The following MAPK10 variants were observed in gnomAD, a reference collection of about 807,000 sequenced individuals.
MAPK10 encodes the protein JNK3 alpha protein kinase.
In MAPK10, 25 loss-of-function variants were observed where a neutral mutation model predicts 59.3. The observed-to-expected ratio is 0.42, with a 90% CI of 0.31 to 0.59. MAPK10 has a LOEUF of 0.59. Ranked by LOEUF, MAPK10 falls within the 20% of genes least tolerant of loss-of-function variation. The pLI, the probability that MAPK10 is intolerant of heterozygous loss-of-function variation, is 0.15. For synonymous variants in MAPK10, 190 were observed against 200.5 expected (o/e 0.95, Z 0.44); for missense variants, 351 against 568.9 (o/e 0.62, Z 3.90).
intron 1 of MAPK10, among the ~76,000 whole-genome samples, chr4:86,528,440 G>A (rs185471653): frequency 2.6e-5 from 4 of 152,024 alleles, no homozygotes; most frequent in South Asian, 2.1e-4. Context: ...TTTGAATTCC[G>A]TGATATGGCA....
At position 86,014,303 on chromosome 4, in the gene MAPK10, GGTGTGTGTGTGTGTGTGT is replaced by G. The variant is rs58674852; in HGVS notation, c.*2907_*2924del. On this transcript the variant is annotated 3_prime_UTR_variant, in exon 14 of 14. Transcript: ENST00000641462. ...AGGTGACTATTTAAGAAATATTTGG[GGTGTGTGTGTGTGTGTGT>G]GTGTGTGTGTGTGTGTGTGTGTGTT... The G allele has an allele frequency of 0.097, 14,014 of 143,976 alleles. 770 individuals are homozygous for G. Among genetic ancestry groups the G allele is most frequent in the Non-Finnish European group, 0.12 (7,798 of 65,922 alleles). The allele number at this position is 143,976 out of a possible 1,614,324, so 8.9% of individuals were successfully genotyped here. A position where few individuals can be genotyped will look rare whatever the true frequency, so the allele number is the denominator to read the frequency against.
At chr4:86,556,524 T>A (rs191457339) in intron 1 of MAPK10, among the ~76,000 whole-genome samples, 11 of 152,250 alleles carry the variant, frequency 7.2e-5, no homozygotes, top group Admixed American at 5.2e-4. Flanking sequence ...TGTTTTTAGA[T>A]CATATTGAGG....
intron 1 of MAPK10, among the ~76,000 whole-genome samples, chr4:86,581,330 CA>C (rs1330483189): frequency 6.6e-6 from 1 of 151,204 alleles, no homozygotes; most frequent in Non-Finnish European, 1.5e-5. Context: ...ATAATTTCAA[CA>C]CATATAAAAT....
At chr4:86,499,405 C>T (rs892382319) in intron 1 of MAPK10, among the ~76,000 whole-genome samples, 4 of 152,166 alleles carry the variant, frequency 2.6e-5, no homozygotes, top group Non-Finnish European at 5.9e-5. Flanking sequence ...GGGAGTAACA[C>T]AGCAAGAACA....
At chr4:86,369,982 C>G (rs1483605171) in intron 1 of MAPK10, among the ~76,000 whole-genome samples, 1 of 152,120 alleles carries the variant, frequency 6.6e-6, no homozygotes, top group African/African-American at 2.4e-5. Context: ...CAGTGCCTAG[C>G]ACAACCCTTA....
At chr4:86,403,801 C>T (rs1402505944) in intron 1 of MAPK10, among the ~76,000 whole-genome samples, 1 of 152,106 alleles carries the variant, frequency 6.6e-6, no homozygotes, top group Non-Finnish European at 1.5e-5. Context: ...CCAATTACCT[C>T]CCTCCCTTGA....
chr4:86,301,608 A>G (rs1315697642), intron 2 of MAPK10, among the ~76,000 whole-genome samples: 1 of 152,136 alleles, frequency 6.6e-6, no homozygotes, highest in Admixed American at 6.6e-5. Flanking sequence ...AAATACCAGA[A>G]ACTCCTTGCC....
chr4:86,365,430 TCAAAAAAAAAA>T (rs1353244772), intron 1 of MAPK10, among the ~76,000 whole-genome samples: 4 of 10,472 alleles, frequency 3.8e-4, no homozygotes, highest in East Asian at 4.0e-3. Context: ...AGACTCTGTC[TCAAAAAAAAAA>T]AAAAAAAAAA....
At chr4:86,100,971 A>G in intron 8 of MAPK10, 81 bp downstream of exon 8, 1 of 1,271,092 alleles carries the variant, frequency 7.9e-7, no homozygotes, top group Non-Finnish European at 1.1e-6. Flanking sequence ...TGTACATAAA[A>G]GAGAACATTC....
At chr4:86,320,634 T>C (rs2148891097) in intron 2 of MAPK10, among the ~76,000 whole-genome samples, 1 of 152,358 alleles carries the variant, frequency 6.6e-6, no homozygotes, top group East Asian at 1.9e-4. Flanking sequence ...GGTAGTTTCT[T>C]TTGCTGTGCA....
intron 1 of MAPK10, among the ~76,000 whole-genome samples, chr4:86,567,392 G>A (rs1029671033): frequency 1.3e-5 from 2 of 152,026 alleles, no homozygotes; most frequent in African/African-American, 4.8e-5. Context: ...GGCTAATTTT[G>A]TATTGTTAGT....
intron 2 of MAPK10, among the ~76,000 whole-genome samples, chr4:86,317,972 T>C (rs566357749): frequency 5.3e-5 from 8 of 152,174 alleles, no homozygotes; most frequent in Admixed American, 2.0e-4. Context: ...CTCTGCCTTG[T>C]AGCTGGATCA....
intron 1 of MAPK10, among the ~76,000 whole-genome samples, chr4:86,554,802 A>G (rs1265222564): frequency 6.6e-6 from 1 of 152,156 alleles, no homozygotes; most frequent in Non-Finnish European, 1.5e-5. Flanking sequence ...TGCCCTATAA[A>G]AGCCAAGCTC....
chr4:86,153,265 T>G (rs921192726), intron 4 of MAPK10, among the ~76,000 whole-genome samples: 1 of 152,192 alleles, frequency 6.6e-6, no homozygotes, highest in Non-Finnish European at 1.5e-5. Flanking sequence ...TATCAACAAA[T>G]GATTTACAGA....
intron 11 of MAPK10, among the ~76,000 whole-genome samples, chr4:86,061,418 A>T (rs1220575997): frequency 2.0e-5 from 3 of 152,200 alleles, no homozygotes; most frequent in East Asian, 3.8e-4. Context: ...TAATTTGAGC[A>T]GTTATTTCAA....
At chr4:86,556,210 T>C in intron 1 of MAPK10, among the ~76,000 whole-genome samples, 1 of 152,188 alleles carries the variant, frequency 6.6e-6, no homozygotes, top group East Asian at 1.9e-4. Flanking sequence ...GAACCTGTTC[T>C]GTATCCATAG....
rs192239178 is a variant in MAPK10, at chr4:86,493,390, A to T, written c.-263+100520T>A. Among the ~76,000 whole-genome samples, 6 of 152,352 alleles carry T rather than the reference A, an allele frequency of 3.9e-5. No individual in the cohort carries two copies. In the East Asian group the frequency reaches 1.2e-3, roughly 29 times the overall value. On this transcript the variant is annotated intron_variant, in intron 1 of 4. Transcript: ENST00000502302. ...GCTAGATTAATTTATCTGCACACAG[A>T]AAAGCAAATTTTAAAAGGTCTCTCG...
intron 1 of MAPK10, among the ~76,000 whole-genome samples, chr4:86,569,674 T>C (rs1335268844): frequency 6.6e-6 from 1 of 152,084 alleles, no homozygotes; most frequent in African/African-American, 2.4e-5. Flanking sequence ...CTGAAGACCA[T>C]TATCCTTAGT....
intron 2 of MAPK10, among the ~76,000 whole-genome samples, chr4:86,242,028 T>G (rs1345014926): frequency 1.3e-5 from 2 of 152,024 alleles, no homozygotes; most frequent in Admixed American, 6.6e-5. Flanking sequence ...GGGGTCTTTT[T>G]TGTTGTTGTT....
Sources: allele counts gnomAD v4.1 joint callset (sites outside exome capture counted in the v4.1 genomes callset), GRCh38; gene constraint gnomAD v4.1.1; transcripts MANE v1.5; gene names NCBI Gene and HGNC (gene_info 2026-07-23, HGNC 2026-07-21).